TYR: variants seen among roughly 807,000 people sequenced by gnomAD.
TYR encodes the protein tyrosinase.
In TYR, 58 loss-of-function variants were observed where a neutral mutation model predicts 51.5. That is an observed-to-expected ratio of 1.13 (90% CI 0.91 to 1.40). The LOEUF is 1.40. Among genes scored for constraint, TYR ranks in the 40% most tolerant of loss-of-function variants. TYR has a pLI of 0.00. For missense variants in TYR, 732 were observed against 647.4 expected, an observed-to-expected ratio of 1.13 and a Z score of -1.42; for synonymous variants, 263 against 235.2, an observed-to-expected ratio of 1.12 and a Z score of -1.08.
chr11:89,284,565 G>T (rs892292734), intron 3 of TYR, among the ~76,000 whole-genome samples: 8 of 151,836 alleles, frequency 5.3e-5, no homozygotes, highest in Middle Eastern at 3.4e-3. Context: ...TTCAAAGCTA[G>T]CCTCAATATT....
Position 89,227,831 on chromosome 11 carries a change from A to AAT in TYR, c.1045_1046insAT (p.Ser349AsnfsTer7), listed in dbSNP as rs770218017. 11 of 1,612,902 alleles carry AAT rather than the reference A, an allele frequency of 6.8e-6. No homozygotes were observed. Among genetic ancestry groups the AAT allele is most frequent in the Non-Finnish European group, 7.6e-6 (9 of 1,179,598 alleles). Reference sequence around the variant, plus strand: ...TTTTTTTTAATGAACAGGATTTGCTAGTCCACTTACTGGGATAGCGGATGC... The same window carrying AAT: ...TTTTTTTTAATGAACAGGATTTGCTAATGTCCACTTACTGGGATAGCGGATGC... On this transcript the variant is annotated frameshift_variant, in exon 3 of 5. Transcript: ENST00000263321. LOFTEE classifies it high-confidence loss of function.
At chr11:89,189,865 C>T (rs1269964127) in intron 1 of TYR, among the ~76,000 whole-genome samples, 1 of 152,032 alleles carries the variant, frequency 6.6e-6, no homozygotes, top group African/African-American at 2.4e-5. Context: ...TTCTAAAATA[C>T]AGTAGTATGC....
At chr11:89,284,315 A>G (rs2135323906) in intron 3 of TYR, among the ~76,000 whole-genome samples, 1 of 151,958 alleles carries the variant, frequency 6.6e-6, no homozygotes, top group Middle Eastern at 3.4e-3. Context: ...CACTTCACCT[A>G]TCACAACATG....
At chr11:89,281,871 T>C (rs556199285) in intron 3 of TYR, among the ~76,000 whole-genome samples, 46 of 151,868 alleles carry the variant, frequency 3.0e-4, no homozygotes, top group African/African-American at 1.1e-3. Flanking sequence ...TCACTGTCAC[T>C]CAGATTTTCA....
chr11:89,199,935 A>T (rs1358172369), intron 2 of TYR, among the ~76,000 whole-genome samples: 1 of 152,202 alleles, frequency 6.6e-6, no homozygotes, highest in African/African-American at 2.4e-5. Context: ...ATAATAATAC[A>T]CCTTTTCTAA....
chr11:89,259,169 G>A (rs1286299034), intron 3 of TYR, among the ~76,000 whole-genome samples: 2 of 152,070 alleles, frequency 1.3e-5, no homozygotes, highest in East Asian at 1.9e-4. Flanking sequence ...TAACATTTAC[G>A]TAACCACAGA....
intron 3 of TYR, among the ~76,000 whole-genome samples, chr11:89,249,194 G>T (rs969040154): frequency 6.6e-6 from 1 of 151,910 alleles, no homozygotes; most frequent in Non-Finnish European, 1.5e-5. Flanking sequence ...ACATGTATTT[G>T]GTAGTTTTAG....
rs61754371 is a variant in TYR, at chr11:89,191,199, C to T, written c.820-3C>T. On this transcript the variant is annotated splice_polypyrimidine_tract_variant and splice_region_variant and intron_variant, in intron 1 of 4. Coordinates refer to ENST00000263321, the MANE Select transcript of TYR (RefSeq NM_000372.5). ...TTGTTTAACATGAGGGTGTTTTGTA[C>T]AGATTGTCTGTAGCCGATTGGAGGA... The T allele has an allele frequency of 2.5e-6, 4 of 1,613,230 alleles. No individual in the cohort carries two copies. Among genetic ancestry groups the T allele is most frequent in the Admixed American group, 1.7e-5 (1 of 59,884 alleles).
intron 3 of TYR, among the ~76,000 whole-genome samples, chr11:89,231,333 T>C (rs772444146): frequency 6.6e-5 from 7 of 105,960 alleles, no homozygotes; most frequent in Non-Finnish European, 1.3e-4. Context: ...AAGGGAAATA[T>C]ATCTGAACTT....
intron 2 of TYR, 150 bp downstream of exon 2, chr11:89,191,568 C>G (rs562560128): frequency 8.0e-6 from 6 of 754,524 alleles, no homozygotes; most frequent in Non-Finnish European, 1.1e-5. Context: ...ATGACCCTAG[C>G]TGACACTGGT....
intron 2 of TYR, among the ~76,000 whole-genome samples, chr11:89,203,895 C>T (rs982734854): frequency 1.3e-5 from 2 of 152,190 alleles, no homozygotes; most frequent in South Asian, 4.1e-4. Context: ...AACTGAGGCA[C>T]AATCCCCACC....
chr11:89,190,000 C>T (rs1943421525), intron 1 of TYR, among the ~76,000 whole-genome samples: 1 of 152,092 alleles, frequency 6.6e-6, no homozygotes, highest in Non-Finnish European at 1.5e-5. Flanking sequence ...ATACACAATG[C>T]ATTACTCATG....
At chr11:89,286,074 G>T (rs1041835721) in intron 4 of TYR, among the ~76,000 whole-genome samples, 1 of 151,816 alleles carries the variant, frequency 6.6e-6, no homozygotes, top group Non-Finnish European at 1.5e-5. Context: ...ATTGTGCAAG[G>T]AAGTAAAAAA....
At chr11:89,246,514 T>A (rs990691752) in intron 3 of TYR, among the ~76,000 whole-genome samples, 4 of 152,190 alleles carry the variant, frequency 2.6e-5, no homozygotes, top group Non-Finnish European at 4.4e-5. Context: ...TGGCATCACC[T>A]CACTGATTCT....
chr11:89,238,449 A>C (rs908567600), intron 3 of TYR, among the ~76,000 whole-genome samples: 4 of 152,080 alleles, frequency 2.6e-5, no homozygotes, highest in Non-Finnish European at 5.9e-5. Flanking sequence ...TGTATCCTGT[A>C]ACCTTACTGA....
At chr11:89,276,645 A>C (rs545428763) in intron 3 of TYR, among the ~76,000 whole-genome samples, 92 of 151,936 alleles carry the variant, frequency 6.1e-4, no homozygotes, top group African/African-American at 2.2e-3. Context: ...TGAGAAAAGG[A>C]ACACTTAAGG....
intron 2 of TYR, among the ~76,000 whole-genome samples, chr11:89,203,644 T>C (rs899481107): frequency 1.3e-5 from 2 of 152,146 alleles, no homozygotes; most frequent in African/African-American, 4.8e-5. Context: ...CTAGGAATAT[T>C]GGGATCTCAC....
At chr11:89,186,416 T>C (rs1277369948) in intron 1 of TYR, among the ~76,000 whole-genome samples, 1 of 152,152 alleles carries the variant, frequency 6.6e-6, no homozygotes, top group African/African-American at 2.4e-5. Flanking sequence ...TGCAGACCTT[T>C]TGTTCTTTGT....
chr11:89,219,166 T>G (rs1363496072), intron 2 of TYR, among the ~76,000 whole-genome samples: 1 of 152,294 alleles, frequency 6.6e-6, no homozygotes, highest in Non-Finnish European at 1.5e-5. Flanking sequence ...TCTAGCCCTA[T>G]ATAGAAGCCA....
Sources: gnomAD v4.1 joint callset for allele counts (sites outside exome capture counted in the v4.1 genomes callset) on GRCh38, gnomAD v4.1.1 for gene constraint, MANE v1.5 for transcripts, NCBI Gene and HGNC (gene_info 2026-07-23, HGNC 2026-07-21) for gene names.